NRP2: variants seen among roughly 807,000 people sequenced by gnomAD.
NRP2 encodes neuropilin 2.
A neutral mutation model predicts 110.4 loss-of-function variants in NRP2; 52 were observed. The observed-to-expected ratio is 0.47, with a 90% CI of 0.38 to 0.59. NRP2 has a LOEUF of 0.59. Ranked by LOEUF, NRP2 falls within the 20% of genes least tolerant of loss-of-function variation. The pLI is 0.00. For missense variants in NRP2, 1,049 were observed against 1,203.0 expected, an observed-to-expected ratio of 0.87 and a Z score of 1.89; for synonymous variants, 508 against 468.9, an observed-to-expected ratio of 1.08 and a Z score of -1.08.
rs1019415540 is a variant in NRP2 at position 205,763,144 on chromosome 2, G to A, written c.2045-530G>A. ...CTAGGAGCACTGATGGAGACAGAAG[G>A]TTTTAAATGTCAGCCATTTGGACAG... On this transcript the variant is annotated intron_variant, in intron 12 of 16. Transcript: ENST00000357785. The surrounding 1 kb of genome is among the most constrained non-coding windows in gnomAD (Gnocchi z 4.0). Among the ~76,000 whole-genome samples the A allele has an allele frequency of 6.6e-6, 1 of 152,128 alleles. No individual in the cohort carries two copies. The highest frequency in any genetic ancestry group is 1.5e-5 in the Non-Finnish European group (1 of 68,028).
At chr2:205,741,099 C>T (rs849573) in intron 8 of NRP2, among the ~76,000 whole-genome samples, 16,251 of 152,208 alleles carry the variant, frequency 0.11, 1,175 homozygotes, top group East Asian at 0.4. Flanking sequence ...CTGCCTCAAC[C>T]GGGGGCCAAG....
At chr2:205,761,245 C>T (rs1156335595) in intron 12 of NRP2, among the ~76,000 whole-genome samples, 1 of 152,176 alleles carries the variant, frequency 6.6e-6, no homozygotes, top group African/African-American at 2.4e-5. Flanking sequence ...TCCATTCATC[C>T]ATTCATTCAT....
At chr2:205,792,149 T>A in intron 15 of NRP2, 86 bp from the exon 16 acceptor site, 1 of 853,286 alleles carries the variant, frequency 1.2e-6, no homozygotes, top group Admixed American at 1.7e-5. Flanking sequence ...GAATGGGGAG[T>A]CATTCTCGTA....
At chr2:205,717,906 A>G (rs191785197) in intron 3 of NRP2, among the ~76,000 whole-genome samples, 1 of 152,308 alleles carries the variant, frequency 6.6e-6, no homozygotes, top group Admixed American at 6.5e-5. Flanking sequence ...ATGTTATTGG[A>G]TGAGTATGTA....
At chr2:205,685,111 T>C (rs908455939) in intron 1 of NRP2, among the ~76,000 whole-genome samples, 6 of 152,316 alleles carry the variant, frequency 3.9e-5, no homozygotes. Context: ...TGTACGTGTG[T>C]GCGCGACACC....
intron 8 of NRP2, 120 bp downstream of exon 8, chr2:205,740,783 G>A (rs1193205970): frequency 1.8e-6 from 2 of 1,129,094 alleles, no homozygotes; most frequent in African/African-American, 1.5e-5. Context: ...CTGGCTCAAG[G>A]ACTCAAGTCC....
intron 2 of NRP2, among the ~76,000 whole-genome samples, chr2:205,715,732 TC>T (rs905694752): frequency 1.3e-5 from 2 of 152,190 alleles, no homozygotes; most frequent in Admixed American, 1.3e-4. Flanking sequence ...ATATTTTTTT[TC>T]ATTCTATCTT....
intron 12 of NRP2, among the ~76,000 whole-genome samples, chr2:205,760,361 T>A (rs1166329675): frequency 6.6e-6 from 1 of 152,154 alleles, no homozygotes; most frequent in African/African-American, 2.4e-5. Context: ...TAAATTTACA[T>A]ATCATCTTTC....
At position 205,797,995 on chromosome 2, in the gene NRP2, G is replaced by A. The variant is rs959257450; in HGVS notation, c.*2937G>A. ...AGAGGTATTCGACCATTCACTGGCT[G>A]AGCCAGATCACGGGAACTTGAGAGC... On this transcript the variant is annotated 3_prime_UTR_variant, in exon 17 of 17. Coordinates refer to ENST00000357785, the MANE Select transcript of NRP2 (RefSeq NM_003872.3). The A allele has an allele frequency of 6.6e-6, 1 of 152,634 alleles. No individual in the cohort carries two copies. The highest frequency in any genetic ancestry group is 1.5e-5 in the Non-Finnish European group (1 of 68,032). 9.5% of individuals were successfully genotyped at this position (152,634 alleles called of 1,614,324 possible). A position where few individuals can be genotyped will look rare whatever the true frequency, so the allele number is the denominator to read the frequency against.
intron 10 of NRP2, among the ~76,000 whole-genome samples, chr2:205,746,578 G>A (rs1208876824): frequency 2.0e-5 from 3 of 152,168 alleles, no homozygotes; most frequent in Non-Finnish European, 2.9e-5. Flanking sequence ...CAGCAGAGCT[G>A]GCACCAGATC....
chr2:205,718,587 G>C (rs1359439293), intron 3 of NRP2, among the ~76,000 whole-genome samples: 1 of 152,182 alleles, frequency 6.6e-6, no homozygotes, highest in Non-Finnish European at 1.5e-5. Context: ...ACTTCTCAGG[G>C]CCACTCGTAC....
chr2:205,710,415 A>C (rs1313544430), intron 2 of NRP2, among the ~76,000 whole-genome samples: 1 of 152,272 alleles, frequency 6.6e-6, no homozygotes, highest in Non-Finnish European at 1.5e-5. Flanking sequence ...GATTAAATGA[A>C]ATAATATCTG....
At chr2:205,792,364 G>T in intron 16 of NRP2, 79 bp downstream of exon 16, 1 of 989,408 alleles carries the variant, frequency 1.0e-6, no homozygotes, top group African/African-American at 1.6e-5. Context: ...TAATGCTCTG[G>T]GTATCGGAGG....
At chr2:205,687,653 C>A (rs531010670) in intron 1 of NRP2, among the ~76,000 whole-genome samples, 63 of 152,298 alleles carry the variant, frequency 4.1e-4, no homozygotes, top group African/African-American at 1.5e-3. Flanking sequence ...CATTAAGCTA[C>A]GGAGCACTCA....
Position 205,725,851 on chromosome 2 carries a change from TGG to T in NRP2, c.821-58_821-57del, listed in dbSNP as rs1199344780. On this transcript the variant is annotated intron_variant, in intron 5 of 16. Transcript: ENST00000357785. This position sits in a 1 kb window ranked among gnomAD's most constrained non-coding sequence, Gnocchi z 4.1. ...TTGTCCCTAGAAGGGAGGCAGCATT[TGG>T]GGGATCCCGAGGTATGAGGTTGGAA... 20 of 1,579,642 alleles carry T rather than the reference TGG, an allele frequency of 1.3e-5. No individual in the cohort carries two copies. The highest frequency in any genetic ancestry group is 1.7e-5 in the Admixed American group (1 of 59,912).
At chr2:205,736,910 G>T (rs1011181531) in intron 7 of NRP2, among the ~76,000 whole-genome samples, 7 of 152,132 alleles carry the variant, frequency 4.6e-5, no homozygotes, top group Admixed American at 4.6e-4. Context: ...CATTGAGAAA[G>T]TCATAAAGAT....
intron 12 of NRP2, among the ~76,000 whole-genome samples, chr2:205,759,045 T>A (rs1426388516): frequency 6.6e-6 from 1 of 152,188 alleles, no homozygotes; most frequent in Non-Finnish European, 1.5e-5. Flanking sequence ...CAAACTTCAG[T>A]TGCAGCACGT....
intron 2 of NRP2, among the ~76,000 whole-genome samples, chr2:205,707,172 G>C (rs1003102015): frequency 6.6e-6 from 1 of 152,226 alleles, no homozygotes; most frequent in Non-Finnish European, 1.5e-5. Context: ...AATGGAAAGG[G>C]CATTTCTGGG....
At chr2:205,751,129 T>G (rs922041874) in intron 11 of NRP2, among the ~76,000 whole-genome samples, 28 of 152,032 alleles carry the variant, frequency 1.8e-4, no homozygotes, top group Admixed American at 1.7e-3. Flanking sequence ...GAGCCAAAAG[T>G]GGAATGCATA....
Sources: gnomAD v4.1 joint callset for allele counts (sites outside exome capture counted in the v4.1 genomes callset) on GRCh38, gnomAD v4.1.1 for gene constraint, Gnocchi (gnomAD v3.1) non-coding constraint, MANE v1.5 for transcripts, NCBI Gene and HGNC (gene_info 2026-07-23, HGNC 2026-07-21) for gene names.